SMIM27: variants seen among roughly 807,000 people sequenced by gnomAD.
SMIM27 encodes TOPORS antisense RNA 1 (non-protein coding).
A neutral mutation model predicts 1.8 loss-of-function variants in SMIM27; 3 were observed. The observed-to-expected ratio is 1.65, with a 90% CI of 0.75 to 4.28. The LOEUF (loss-of-function observed/expected upper bound fraction) is 4.28, where lower values mean the gene tolerates loss of function less well. Among genes scored for constraint, SMIM27 ranks in the 30% most tolerant of loss-of-function variants. The pLI, the probability that SMIM27 is intolerant of heterozygous loss-of-function variation, is 0.02. For synonymous variants in SMIM27, 19 were observed against 13.9 expected (o/e 1.37, Z -0.82); for missense variants, 63 against 37.0 (o/e 1.70, Z -1.83).
downstream of SMIM27, among the ~76,000 whole-genome samples, chr9:32,555,464 A>AG (rs1821430200): frequency 6.6e-6 from 1 of 152,264 alleles, no homozygotes; most frequent in African/African-American, 2.4e-5. Context: ...GAGGTGAGAG[A>AG]GGCAGATGCA....
intron 1 of SMIM27, chr9:32,565,700 G>C (rs916461997): frequency 6.5e-6 from 1 of 153,044 alleles, no homozygotes; most frequent in Non-Finnish European, 1.5e-5. Context: ...GGCCAGGCAC[G>C]GAGGCCCACG....
In SMIM27 at chr9:32,552,351, G is replaced by A. The variant is rs534310795; in HGVS notation, c.-84G>A. 5 of 1,562,358 alleles carry A rather than the reference G, an allele frequency of 3.2e-6. No homozygotes were observed. The highest frequency in any genetic ancestry group is 2.7e-5 in the African/African-American group (2 of 73,960). On this transcript the variant is annotated 5_prime_UTR_variant, in exon 1 of 2. Coordinates refer to ENST00000692500, the MANE Select transcript of SMIM27 (RefSeq NM_001387564.1). ...CGTGCCCGGCTAAAAGATGGCTGCT[G>A]GCGCCTGGCAGCCACCGCCTGGGAG...
chr9:32,552,432 A>C lies in SMIM27; in HGVS notation c.-3A>C. On this transcript the variant is annotated 5_prime_UTR_variant, in exon 1 of 2. Transcript: ENST00000692500. The stretch of plus-strand genomic sequence containing the variant: ...TCCCGCGGACTGCTGCCGCCTCCTT[A>C]CCATGAAGCCAGTAAGTCGTCGCAC... 1 of 1,609,296 alleles carries C rather than the reference A, an allele frequency of 6.2e-7. No individual in the cohort carries two copies. Among genetic ancestry groups the C allele is most frequent in the Non-Finnish European group, 8.5e-7 (1 of 1,178,272 alleles).
chr9:32,561,588 C>T (rs1821628019), intron 1 of SMIM27, among the ~76,000 whole-genome samples: 1 of 152,136 alleles, frequency 6.6e-6, no homozygotes, highest in Non-Finnish European at 1.5e-5. Flanking sequence ...CTCAGCCTCC[C>T]AAAGTGCCAG....
chr9:32,551,373 G>C, upstream of SMIM27: 1 of 341,086 alleles, frequency 2.9e-6, no homozygotes, highest in Non-Finnish European at 5.7e-6. Flanking sequence ...ACCTCCTGTT[G>C]TACGCCTCCC....
intron 1 of SMIM27, among the ~76,000 whole-genome samples, chr9:32,562,033 T>G (rs572276800): frequency 2.6e-5 from 4 of 152,318 alleles, no homozygotes; most frequent in African/African-American, 9.6e-5. Flanking sequence ...GTTCAACTTC[T>G]TCTATCTAAC....
chr9:32,551,659 A>C, upstream of SMIM27: 1 of 281,124 alleles, frequency 3.6e-6, no homozygotes, highest in Non-Finnish European at 7.8e-6. Context: ...CAGGCCTCAA[A>C]TGTGAGCGCC....
rs202217879 is a variant in SMIM27, at chr9:32,566,433, G to C, written c.88G>C (p.Gly30Arg). The change falls in exon 2 of 2, where the codon GGG (glycine) becomes CGG (arginine). Residue 30 changes from glycine (G) to arginine (R), a missense_variant. By Grantham distance (125) the Gly-to-Arg change is moderately radical. Transcript: ENST00000451672. ...GGAGCCTGCTCTCCCTGTTACTGTA[G>C]GGGTTGATGGAGTATCTTGACAAGC... The C allele has an allele frequency of 7.5e-5, 63 of 836,528 alleles. No individual in the cohort carries two copies. In the East Asian group the frequency reaches 1.5e-3, roughly 20 times the overall value. The allele number at this position is 836,528 out of a possible 1,614,324, so 51.8% of individuals were successfully genotyped here.
chr9:32,562,698 T>C (rs555086505), intron 1 of SMIM27, among the ~76,000 whole-genome samples: 4 of 152,328 alleles, frequency 2.6e-5, no homozygotes, highest in African/African-American at 9.6e-5. Flanking sequence ...ATAATTACAA[T>C]ACAACTATCA....
chr9:32,553,124 G>A (rs1272034543), downstream of SMIM27: 1 of 458,492 alleles, frequency 2.2e-6, no homozygotes, highest in Non-Finnish European at 3.8e-6. Context: ...AAATCTGACA[G>A]TCTTGAGTGT....
intron 1 of SMIM27, among the ~76,000 whole-genome samples, chr9:32,558,163 G>A (rs1442504453): frequency 1.4e-5 from 2 of 138,520 alleles, no homozygotes; most frequent in Admixed American, 8.1e-5. Flanking sequence ...CCAGGCTGGA[G>A]TGCAGTGGCG....
rs15014 is a variant in SMIM27, at chr9:32,552,464, C to G, written c.30C>G (p.Asp10Glu). 0.065 allele frequency: 103,695 copies of G among 1,600,362 alleles called. 4,150 individuals are homozygous for G. Among genetic ancestry groups the G allele is most frequent in the Admixed American group, 0.15 (8,806 of 57,944 alleles). Residue 10 changes from aspartate to glutamate, a missense_variant, in exon 1 of 2, where the codon GAC (aspartate) becomes GAG (glutamate). Physicochemically the swap from Asp to Glu is conservative, Grantham distance 45 (BLOSUM62 2). Coordinates refer to ENST00000692500, the MANE Select transcript of SMIM27 (RefSeq NM_001387564.1). The stretch of plus-strand genomic sequence containing the variant: ...AGCCAGTAAGTCGTCGCACGCTGGA[C>G]TGGATTTATTCAGTGGTAAGTCCCG... MKPVSRRTL[D>E]WIYSVLLLAI...
downstream of SMIM27, chr9:32,553,504 A>T (rs1281354378): frequency 4.8e-6 from 1 of 206,844 alleles, no homozygotes; most frequent in Non-Finnish European, 9.8e-6. Flanking sequence ...GATTTCCTTA[A>T]AACAAAAGTG....
intron 1 of SMIM27, chr9:32,566,107 C>T (rs1023719738): frequency 1.8e-5 from 9 of 510,210 alleles, no homozygotes; most frequent in Middle Eastern, 3.5e-4. Flanking sequence ...ATTATGCCCA[C>T]GACAGGCCTC....
chr9:32,560,300 T>G (rs1340297255), intron 1 of SMIM27, among the ~76,000 whole-genome samples: 1 of 152,236 alleles, frequency 6.6e-6, no homozygotes, highest in Non-Finnish European at 1.5e-5. Flanking sequence ...CACCTGGAAG[T>G]GTGAACCCTC....
chr9:32,566,192 G>A (rs1821783842), intron 1 of SMIM27: 3 of 756,980 alleles, frequency 4.0e-6, no homozygotes, highest in East Asian at 4.9e-5. Flanking sequence ...AACCTTGTCT[G>A]GGGTTTGTAG....
intron 1 of SMIM27, among the ~76,000 whole-genome samples, chr9:32,562,676 A>C (rs1187640359): frequency 6.6e-6 from 1 of 152,226 alleles, no homozygotes; most frequent in African/African-American, 2.4e-5. Flanking sequence ...AAGCAAAGAC[A>C]ATATTCTTAA....
At chr9:32,552,584 A>G in intron 1 of SMIM27, 105 bp downstream of exon 1, 1 of 1,011,308 alleles carries the variant, frequency 9.9e-7, no homozygotes. Flanking sequence ...CCATTCCTGA[A>G]TTAAGCATTT....
At position 32,566,421 on chromosome 9, in the gene SMIM27, CCT is replaced by C; in HGVS notation, c.77_78del (p.Pro26ArgfsTer6). On this transcript the variant is annotated frameshift_variant, in exon 2 of 2. Coordinates refer to the SMIM27 transcript ENST00000451672. LOFTEE classifies it high-confidence loss of function. ...AGGTCCAGAAGAGGAGCCTGCTCTCCCTGTTACTGTAGGGGTTGATGGAGTAT... is the reference window on the plus strand; with the variant it reads ...AGGTCCAGAAGAGGAGCCTGCTCTCCGTTACTGTAGGGGTTGATGGAGTAT... 3.5e-6 allele frequency: 3 copies of C among 865,092 alleles called. No homozygotes were observed. Among genetic ancestry groups the C allele is most frequent in the Admixed American group, 1.7e-5 (1 of 59,102 alleles). 53.6% of individuals were successfully genotyped at this position (865,092 alleles called of 1,614,324 possible).
Sources: allele counts gnomAD v4.1 joint callset (sites outside exome capture counted in the v4.1 genomes callset), GRCh38; gene constraint gnomAD v4.1.1; transcripts MANE v1.5; gene names NCBI Gene and HGNC (gene_info 2026-07-23, HGNC 2026-07-21).